COL26A1: variants seen among roughly 807,000 people sequenced by gnomAD.
COL26A1 encodes the protein collagen type XXVI alpha 1 chain.
In COL26A1, 41 loss-of-function variants were observed where a neutral mutation model predicts 59.3. That is an observed-to-expected ratio of 0.69 (90% CI 0.54 to 0.90). The LOEUF is 0.90. COL26A1 is among the 40% of genes least tolerant of loss of function. COL26A1 has a pLI of 0.00. For synonymous variants in COL26A1, 266 were observed against 256.0 expected (o/e 1.04, Z -0.37); for missense variants, 612 against 602.3 (o/e 1.02, Z -0.17).
chr7:101,421,944 T>G (rs1464533515), intron 2 of COL26A1, among the ~76,000 whole-genome samples: 1 of 152,222 alleles, frequency 6.6e-6, no homozygotes, highest in Non-Finnish European at 1.5e-5. Context: ...TGCATACAAG[T>G]GTTTTGATAC....
At chr7:101,401,738 G>GGAGGAGGAA (rs372423361) in intron 1 of COL26A1, among the ~76,000 whole-genome samples, 25 of 144,940 alleles carry the variant, frequency 1.7e-4, no homozygotes, top group African/African-American at 5.6e-4. Context: ...AGGAAGAGAA[G>GGAGGAGGAA]GAGGAGGAAG....
intron 3 of COL26A1, among the ~76,000 whole-genome samples, chr7:101,460,934 G>C (rs961310043): frequency 3.3e-5 from 5 of 151,992 alleles, no homozygotes; most frequent in Non-Finnish European, 7.4e-5. Flanking sequence ...CAACCTCTGC[G>C]GCCAGGTCTC....
intron 3 of COL26A1, among the ~76,000 whole-genome samples, chr7:101,474,261 C>G (rs1793981958): frequency 6.6e-6 from 1 of 152,174 alleles, no homozygotes; most frequent in African/African-American, 2.4e-5. Context: ...CTTTTCCTGG[C>G]ACCATCCTCT....
chr7:101,375,535 AAAAAT>A (rs951566708), intron 1 of COL26A1, among the ~76,000 whole-genome samples: 2 of 152,004 alleles, frequency 1.3e-5, no homozygotes, highest in African/African-American at 4.8e-5. Context: ...CTGTCTACAA[AAAAAT>A]AAAATAAAAA....
chr7:101,480,133 C>T (rs1794125460), intron 3 of COL26A1, among the ~76,000 whole-genome samples: 1 of 152,054 alleles, frequency 6.6e-6, no homozygotes, highest in South Asian at 2.1e-4. Context: ...TATGTTTTTA[C>T]CCAGTGGAAG....
intron 3 of COL26A1, among the ~76,000 whole-genome samples, chr7:101,518,850 T>G (rs17135583): frequency 6.6e-6 from 1 of 151,918 alleles, no homozygotes; most frequent in African/African-American, 2.4e-5. Context: ...ACTTGAAATC[T>G]CTCCACCGAG....
intron 3 of COL26A1, among the ~76,000 whole-genome samples, chr7:101,514,692 C>T (rs146418039): frequency 2.0e-5 from 3 of 152,296 alleles, no homozygotes; most frequent in Non-Finnish European, 4.4e-5. Context: ...TTGGCTGCAG[C>T]GCCTGGGCCC....
At chr7:101,512,320 G>A (rs192328602) in intron 3 of COL26A1, among the ~76,000 whole-genome samples, 18 of 152,028 alleles carry the variant, frequency 1.2e-4, no homozygotes, top group African/African-American at 4.3e-4. Context: ...AAATTTGGCT[G>A]GAAAAAATCA....
At chr7:101,527,157 G>T (rs1237963754) in intron 3 of COL26A1, among the ~76,000 whole-genome samples, 1 of 151,370 alleles carries the variant, frequency 6.6e-6, no homozygotes, top group Non-Finnish European at 1.5e-5. Flanking sequence ...TTTTTCTAGA[G>T]ACGGGGTCCT....
At chr7:101,434,977 A>T (rs1792881459) in intron 2 of COL26A1, among the ~76,000 whole-genome samples, 1 of 151,990 alleles carries the variant, frequency 6.6e-6, no homozygotes, top group Non-Finnish European at 1.5e-5. Flanking sequence ...TTTAGCAGAG[A>T]CCTGGGGGAC....
At chr7:101,363,320 G>C (rs1347510660) in intron 1 of COL26A1, 130 bp downstream of exon 1, 1 of 788,884 alleles carries the variant, frequency 1.3e-6, no homozygotes, top group East Asian at 3.3e-5. Context: ...GGGGGCGCAG[G>C]GCAGCGGGGA....
intron 3 of COL26A1, among the ~76,000 whole-genome samples, chr7:101,496,902 T>A (rs1394683745): frequency 1.3e-5 from 2 of 149,954 alleles, no homozygotes; most frequent in African/African-American, 4.9e-5. Flanking sequence ...AAAAAAGAAT[T>A]CAGGGTGAGT....
At chr7:101,437,691 T>C (rs1792949094) in intron 2 of COL26A1, among the ~76,000 whole-genome samples, 2 of 151,516 alleles carry the variant, frequency 1.3e-5, no homozygotes, top group South Asian at 4.2e-4. Context: ...CCTCCTGCCT[T>C]AGCCTCCCAA....
chr7:101,372,366 A>G (rs2117009486), intron 1 of COL26A1, among the ~76,000 whole-genome samples: 1 of 152,122 alleles, frequency 6.6e-6, no homozygotes, highest in East Asian at 1.9e-4. Context: ...GGGTTTCTCC[A>G]CGTTGGCCAG....
intron 12 of COL26A1, 61 bp from the exon 13 acceptor site, chr7:101,557,309 A>G: frequency 6.5e-7 from 1 of 1,527,240 alleles, no homozygotes. Flanking sequence ...ATCATGATCA[A>G]ATGTACCCCC....
At chr7:101,449,037 T>G (rs1793267743) in intron 3 of COL26A1, among the ~76,000 whole-genome samples, 1 of 152,214 alleles carries the variant, frequency 6.6e-6, no homozygotes, top group Non-Finnish European at 1.5e-5. Flanking sequence ...AAGGCTGGGA[T>G]GCCAGGGAGT....
chr7:101,407,004 T>C (rs1792143069), intron 1 of COL26A1, among the ~76,000 whole-genome samples: 1 of 152,096 alleles, frequency 6.6e-6, no homozygotes, highest in African/African-American at 2.4e-5. Flanking sequence ...CACCTCCTCT[T>C]TTCCAATAGG....
intron 3 of COL26A1, among the ~76,000 whole-genome samples, chr7:101,485,274 C>A (rs2130504082): frequency 6.6e-6 from 1 of 152,318 alleles, no homozygotes; most frequent in Non-Finnish European, 1.5e-5. Flanking sequence ...GGTGATGCTG[C>A]CTCACCTGCC....
chr7:101,423,281 C>CA (rs1020808762), intron 2 of COL26A1, among the ~76,000 whole-genome samples: 13 of 149,720 alleles, frequency 8.7e-5, no homozygotes, highest in East Asian at 2.0e-4. Context: ...AAAAACCAAA[C>CA]AAAAAAAAAG....
Sources: allele counts gnomAD v4.1 joint callset (sites outside exome capture counted in the v4.1 genomes callset), GRCh38; gene constraint gnomAD v4.1.1; transcripts MANE v1.5; gene names NCBI Gene and HGNC (gene_info 2026-07-23, HGNC 2026-07-21).